The following C12orf50 variants were observed in gnomAD, a reference collection of about 807,000 sequenced individuals.
The protein encoded by C12orf50 is zinc finger CCCH-type containing 11D.
Under a neutral mutation model 61.6 loss-of-function variants are expected in C12orf50, and 35 were observed. The ratio of observed to expected loss-of-function variants is 0.57; its 90% CI spans 0.43 to 0.75. The LOEUF (loss-of-function observed/expected upper bound fraction) is 0.75, where lower values mean the gene tolerates loss of function less well. Among genes scored for constraint, C12orf50 ranks in the 30% least tolerant of loss-of-function variants. The pLI is 0.00. For synonymous variants in C12orf50, 178 were observed against 161.5 expected, an observed-to-expected ratio of 1.10 and a Z score of -0.77; for missense variants, 475 against 488.5, an observed-to-expected ratio of 0.97 and a Z score of 0.26.
At chr12:87,994,521 T>C (rs941691561) in intron 7 of C12orf50, 112 bp downstream of exon 7, 8 of 777,508 alleles carry the variant, frequency 1.0e-5, no homozygotes, top group Admixed American at 5.2e-5. Flanking sequence ...TCCAAACTCT[T>C]GTGTTAAACA....
intron 6 of C12orf50, among the ~76,000 whole-genome samples, chr12:87,995,581 G>A: frequency 6.6e-6 from 1 of 152,236 alleles, no homozygotes; most frequent in East Asian, 1.9e-4. Flanking sequence ...AAAATAAACA[G>A]CCTTTTAAAG....
chr12:87,996,453 A>G lies in C12orf50; in HGVS notation c.402T>C (p.Ile134=). The change falls in exon 6 of 13, where the codon ATT becomes ATC. Residue 134 remains isoleucine, a synonymous_variant. Transcript: ENST00000298699. The stretch of plus-strand genomic sequence containing the variant: ...TAGGTGTCATGCTTTTTGATGACAA[A>G]ATATCTGGAGGAGTATGAAATCTGT... The part of the protein sequence containing the change: ...EYYRFHTPPD[I]LSSKSMTPTA... The G allele has an allele frequency of 6.2e-7, 1 of 1,613,248 alleles. No homozygotes were observed. Among genetic ancestry groups the G allele is most frequent in the Non-Finnish European group, 8.5e-7 (1 of 1,179,426 alleles).
intron 3 of C12orf50, among the ~76,000 whole-genome samples, chr12:88,012,413 A>G (rs1391938625): frequency 3.3e-5 from 5 of 152,220 alleles, no homozygotes; most frequent in Non-Finnish European, 7.3e-5. Context: ...ATTATTTATA[A>G]CTAAACAAAT....
chr12:88,003,424 T>C (rs772235052), intron 3 of C12orf50, among the ~76,000 whole-genome samples: 1 of 152,066 alleles, frequency 6.6e-6, no homozygotes, highest in Non-Finnish European at 1.5e-5. Context: ...CATATGGATT[T>C]GAAATACTGA....
At chr12:88,026,461 T>G (rs1218002543) in intron 3 of C12orf50, 27 bp downstream of exon 3, 1 of 1,610,692 alleles carries the variant, frequency 6.2e-7, no homozygotes, top group South Asian at 1.1e-5. Flanking sequence ...ATATGGTAAG[T>G]CTATGTTATT....
At chr12:87,986,587 CA>C (rs987338874) in intron 9 of C12orf50, among the ~76,000 whole-genome samples, 171 bp from the exon 10 acceptor site, 2 of 151,866 alleles carry the variant, frequency 1.3e-5, no homozygotes, top group African/African-American at 4.8e-5. Context: ...TTTTAAGTGC[CA>C]AAAAAATCTA....
At chr12:87,989,003 C>A (rs999665452) in intron 8 of C12orf50, among the ~76,000 whole-genome samples, 1 of 151,962 alleles carries the variant, frequency 6.6e-6, no homozygotes, top group Non-Finnish European at 1.5e-5. Context: ...CTTGGTATTG[C>A]CATTTAAGAG....
chr12:87,980,288 T>G lies in C12orf50; in HGVS notation c.*43A>C. On this transcript the variant is annotated 3_prime_UTR_variant, in exon 13 of 13. Coordinates refer to ENST00000298699, the MANE Select transcript of C12orf50 (RefSeq NM_152589.3). Reference sequence around the variant, plus strand: ...ATTTTTGATTGTAAATCAGATGATGTCTGGCAATTTTTTCTCATTTTTCTC... The same window carrying G: ...ATTTTTGATTGTAAATCAGATGATGGCTGGCAATTTTTTCTCATTTTTCTC... 6.3e-7 allele frequency: 1 copy of G among 1,581,222 alleles called. No homozygotes were observed. The highest frequency in any genetic ancestry group is 8.7e-7 in the Non-Finnish European group (1 of 1,153,872).
chr12:88,021,347 C>CAAAGGGAGGCCAGCTTCAGT (rs1478594852), intron 3 of C12orf50, among the ~76,000 whole-genome samples: 3 of 150,422 alleles, frequency 2.0e-5, no homozygotes, highest in African/African-American at 7.3e-5. Context: ...TTAGAAATGA[C>CAAAGGGAGGCCAGCTTCAGT]AAAGGGAGGC....
intron 7 of C12orf50, among the ~76,000 whole-genome samples, chr12:87,993,093 T>A (rs541285285): frequency 3.5e-4 from 54 of 152,282 alleles, no homozygotes; most frequent in African/African-American, 1.1e-3. Flanking sequence ...TGGAATTTTT[T>A]AAATATTCTT....
chr12:88,029,467 A>G (rs2032823412), upstream of C12orf50: 1 of 155,248 alleles, frequency 6.4e-6, no homozygotes, highest in Non-Finnish European at 1.4e-5. Flanking sequence ...ATGTAACTGC[A>G]GGCCAATGTT....
intron 3 of C12orf50, among the ~76,000 whole-genome samples, chr12:88,019,762 G>GA (rs1331758686): frequency 1.3e-5 from 2 of 151,854 alleles, no homozygotes; most frequent in Admixed American, 6.6e-5. Context: ...TGAAACAAAA[G>GA]AAAAAAAATG....
rs1592638841 is a variant in C12orf50 at position 87,980,271 on chromosome 12, T to C, written c.*60A>G. On this transcript the variant is annotated 3_prime_UTR_variant, in exon 13 of 13. Coordinates refer to ENST00000298699, the MANE Select transcript of C12orf50 (RefSeq NM_152589.3). Reference sequence around the variant, plus strand: ...TCATTCTTTGAATTTTCATTTTTGATTGTAAATCAGATGATGTCTGGCAAT... The same window carrying C: ...TCATTCTTTGAATTTTCATTTTTGACTGTAAATCAGATGATGTCTGGCAAT... 7 of 1,502,170 alleles carry C rather than the reference T, an allele frequency of 4.7e-6. No homozygotes were observed. The East Asian group carries it at 1.4e-4, about 29-fold the overall frequency. 93.1% of individuals were successfully genotyped at this position (1,502,170 alleles called of 1,614,324 possible). A position where few individuals can be genotyped will look rare whatever the true frequency, so the allele number is the denominator to read the frequency against.
rs1467398327 is a variant in C12orf50 at position 87,986,409 on chromosome 12, A to G, written c.825T>C (p.Asp275=). 2 of 1,600,396 alleles carry G rather than the reference A, an allele frequency of 1.2e-6. No homozygotes were observed. Among genetic ancestry groups the G allele is most frequent in the East Asian group, 4.5e-5 (2 of 44,668 alleles). The change falls in exon 10 of 13, where the codon GAT becomes GAC. Residue 275 remains aspartate, a synonymous_variant. Coordinates refer to ENST00000298699, the MANE Select transcript of C12orf50 (RefSeq NM_152589.3). ...KCREDPSSMN[D]VQPVKKPHFK... ...AATGAGGCTTCTTCACTGGCTGGAC[A>G]TCATTCACTTAGAAAAGATACAAAT... is the stretch of plus-strand genomic sequence containing the variant.
Position 88,026,934 on chromosome 12 carries a change from A to G in C12orf50, c.12+17T>C. The stretch of plus-strand genomic sequence containing the variant: ...GAAATACTTTTTGACAAAAATGATG[A>G]CGCCAAGTAATTCTACCTGCATTTC... On this transcript the variant is annotated intron_variant, in intron 2 of 12. Transcript: ENST00000298699. 1 of 1,602,596 alleles carries G rather than the reference A, an allele frequency of 6.2e-7. No homozygotes were observed. The highest frequency in any genetic ancestry group is 1.7e-4 in the Middle Eastern group (1 of 5,984).
intron 3 of C12orf50, among the ~76,000 whole-genome samples, chr12:88,010,400 TATA>T (rs1362772719): frequency 3.4e-5 from 4 of 116,806 alleles, no homozygotes; most frequent in South Asian, 2.4e-4. Context: ...ATTATAATCT[TATA>T]ATAAGATTAT....
chr12:88,025,067 T>C (rs1397230475), intron 3 of C12orf50, among the ~76,000 whole-genome samples: 1 of 152,108 alleles, frequency 6.6e-6, no homozygotes, highest in Non-Finnish European at 1.5e-5. Context: ...CATGGGGTGG[T>C]AGCTTGTGAG....
At chr12:87,997,665 T>C (rs1350315152) in intron 4 of C12orf50, among the ~76,000 whole-genome samples, 2 of 152,268 alleles carry the variant, frequency 1.3e-5, no homozygotes, top group East Asian at 1.9e-4. Context: ...ATGTGGTGTT[T>C]GGTTTTCCAT....
intron 7 of C12orf50, among the ~76,000 whole-genome samples, chr12:87,990,656 C>G (rs1184155083): frequency 6.6e-6 from 1 of 152,026 alleles, no homozygotes. Flanking sequence ...ACGCTCCACA[C>G]TTACTACGGA....
Sources: gnomAD v4.1 joint callset for allele counts (sites outside exome capture counted in the v4.1 genomes callset) on GRCh38, gnomAD v4.1.1 for gene constraint, MANE v1.5 for transcripts, NCBI Gene and HGNC (gene_info 2026-07-23, HGNC 2026-07-21) for gene names.